The following FAM227B variants were observed in gnomAD, a reference collection of about 807,000 sequenced individuals.
The protein encoded by FAM227B is protein FAM227B.
In FAM227B, 88 loss-of-function variants were observed where a neutral mutation model predicts 73.8. The ratio of observed to expected loss-of-function variants is 1.19; its 90% CI spans 1.00 to 1.42. FAM227B has a LOEUF of 1.42. FAM227B is among the 40% of genes most tolerant of loss of function. The pLI is 0.00. For synonymous variants in FAM227B, 210 were observed against 190.5 expected (o/e 1.10, Z -0.84); for missense variants, 632 against 590.9 (o/e 1.07, Z -0.72).
Position 49,590,045 on chromosome 15 carries a change from A to AT in FAM227B, c.106-39dup, listed in dbSNP as rs1394734460. 5.8e-6 allele frequency: 6 copies of AT among 1,033,320 alleles called. 1 individual carries two copies. The highest frequency in any genetic ancestry group is 9.0e-6 in the Non-Finnish European group (6 of 666,574). The allele number at this position is 1,033,320 out of a possible 1,614,324, so 64.0% of individuals were successfully genotyped here. On this transcript the variant is annotated intron_variant, in intron 3 of 15. Transcript: ENST00000299338. ...TGAAAGAGAGAATATAGCTTAAGTC[A>AT]TTTTTAATGAATTTAAATAATAGAG...
intron 11 of FAM227B, among the ~76,000 whole-genome samples, chr15:49,411,946 T>G (rs116387787): frequency 0.011 from 1,749 of 152,214 alleles, 32 homozygotes; most frequent in African/African-American, 0.04. Context: ...TACATCCTCA[T>G]TTGCAGATAA....
chr15:49,577,434 A>G (rs953322484), intron 6 of FAM227B, 195 bp downstream of exon 6: 5 of 471,538 alleles, frequency 1.1e-5, no homozygotes, highest in African/African-American at 8.0e-5. Flanking sequence ...AACTCAAATG[A>G]TCAAGAATTT....
chr15:49,415,100 C>T (rs2049123304), intron 11 of FAM227B, among the ~76,000 whole-genome samples: 1 of 152,162 alleles, frequency 6.6e-6, no homozygotes, highest in East Asian at 1.9e-4. Context: ...TTTGAACATG[C>T]TTTGAAAGCT....
At position 49,471,714 on chromosome 15, in the gene FAM227B, A is replaced by G. The variant is rs925224572; in HGVS notation, c.1012+36497T>C. Among the ~76,000 whole-genome samples, 3 of 152,062 alleles carry G rather than the reference A, an allele frequency of 2.0e-5. 1 individual carries two copies. Among genetic ancestry groups the G allele is most frequent in the Non-Finnish European group, 4.4e-5 (3 of 68,012 alleles). On this transcript the variant is annotated intron_variant, in intron 11 of 15. Transcript: ENST00000299338. ...GCATCTCATGCTTTATGTAACAATA[A>G]TGAGCATCCAGAAAAGCTAGCTGAC...
chr15:49,462,373 A>G (rs1004306223), intron 11 of FAM227B, among the ~76,000 whole-genome samples: 1 of 152,152 alleles, frequency 6.6e-6, no homozygotes, highest in Non-Finnish European at 1.5e-5. Flanking sequence ...AAATTTTCGG[A>G]TGATATTTCT....
At chr15:49,444,684 A>G (rs1413931487) in intron 11 of FAM227B, among the ~76,000 whole-genome samples, 1 of 151,688 alleles carries the variant, frequency 6.6e-6, no homozygotes, top group Non-Finnish European at 1.5e-5. Context: ...ACTGCAGACC[A>G]AGGACCCTTT....
intron 9 of FAM227B, 60 bp downstream of exon 9, chr15:49,568,185 A>AT (rs1285476213): frequency 1.5e-5 from 21 of 1,403,918 alleles, no homozygotes; most frequent in Admixed American, 2.2e-5. Context: ...TAAAATAACG[A>AT]TTTTTTCTAT....
chr15:49,367,359 AT>A, intron 13 of FAM227B, 88 bp downstream of exon 13: 1 of 1,173,840 alleles, frequency 8.5e-7, no homozygotes, highest in Non-Finnish European at 1.2e-6. Context: ...CATGCATTCA[AT>A]TTGTTTCTCA....
At chr15:49,398,086 C>G (rs2047834769) in intron 11 of FAM227B, among the ~76,000 whole-genome samples, 3 of 152,132 alleles carry the variant, frequency 2.0e-5, no homozygotes, top group South Asian at 4.1e-4. Context: ...CAACAGTGTG[C>G]TGTATTCAGG....
chr15:49,394,186 G>A (rs574032228), intron 11 of FAM227B, among the ~76,000 whole-genome samples: 6 of 152,210 alleles, frequency 3.9e-5, no homozygotes, highest in Non-Finnish European at 8.8e-5. Flanking sequence ...GCTGTAAAAT[G>A]ATACCATCAA....
chr15:49,393,586 TTC>T (rs1312203147), intron 11 of FAM227B, among the ~76,000 whole-genome samples: 1 of 152,168 alleles, frequency 6.6e-6, no homozygotes, highest in Non-Finnish European at 1.5e-5. Context: ...CAAAATTTTG[TTC>T]TGTTGTTAAT....
At chr15:49,427,029 T>G (rs2151762203) in intron 11 of FAM227B, among the ~76,000 whole-genome samples, 1 of 152,056 alleles carries the variant, frequency 6.6e-6, no homozygotes, top group South Asian at 2.1e-4. Context: ...TAGGAAGTCC[T>G]TAGGTACAGA....
chr15:49,497,600 G>C (rs1252283329), intron 11 of FAM227B, among the ~76,000 whole-genome samples: 1 of 152,222 alleles, frequency 6.6e-6, no homozygotes, highest in Non-Finnish European at 1.5e-5. Context: ...AGAAATATGA[G>C]ATGCTCAAAG....
intron 10 of FAM227B, among the ~76,000 whole-genome samples, chr15:49,527,558 G>A (rs762411358): frequency 6.6e-6 from 1 of 151,660 alleles, no homozygotes; most frequent in Non-Finnish European, 1.5e-5. Flanking sequence ...TTGGAAAAAA[G>A]GTCAAATTAT....
At chr15:49,548,409 G>A (rs1395605018) in intron 9 of FAM227B, among the ~76,000 whole-genome samples, 2 of 152,066 alleles carry the variant, frequency 1.3e-5, no homozygotes, top group African/African-American at 4.8e-5. Context: ...ACGTATTGTT[G>A]AATTTGGTTT....
intron 3 of FAM227B, among the ~76,000 whole-genome samples, chr15:49,603,043 C>T (rs1191358925): frequency 6.6e-6 from 1 of 151,998 alleles, no homozygotes; most frequent in Admixed American, 6.6e-5. Context: ...TTTTGGTTAA[C>T]GCAGCTTGTA....
chr15:49,396,538 G>A (rs1322054123), intron 11 of FAM227B: 1 of 160,528 alleles, frequency 6.2e-6, no homozygotes, highest in Admixed American at 6.0e-5. Context: ...TCCACCTCTG[G>A]GGGCAGGGCA....
chr15:49,620,133 C>T (rs1598618452), intron 1 of FAM227B: 1 of 152,170 alleles, frequency 6.6e-6, no homozygotes. Context: ...CAAGGCCTTA[C>T]CCAAGTCCGA....
At chr15:49,366,652 C>T (rs1274686747) in intron 13 of FAM227B, 14 of 1,560,440 alleles carry the variant, frequency 9.0e-6, no homozygotes, top group Non-Finnish European at 1.1e-5. Flanking sequence ...GCAGGGCGGC[C>T]GTGGCAGGGG....
Sources: allele counts gnomAD v4.1 joint callset (sites outside exome capture counted in the v4.1 genomes callset), GRCh38; gene constraint gnomAD v4.1.1; transcripts MANE v1.5; gene names NCBI Gene and HGNC (gene_info 2026-07-23, HGNC 2026-07-21).